Variants in TF observed in about 807,000 individuals in gnomAD.
TF encodes the protein serotransferrin.
Under a neutral mutation model 82.4 loss-of-function variants are expected in TF, and 55 were observed. The ratio of observed to expected loss-of-function variants is 0.67; its 90% CI spans 0.54 to 0.84. The LOEUF (loss-of-function observed/expected upper bound fraction) is 0.84, where lower values mean the gene tolerates loss of function less well. Ranked by LOEUF, TF falls within the 40% of genes least tolerant of loss-of-function variation. TF has a pLI of 0.00. For missense variants in TF, 737 were observed against 868.4 expected, an observed-to-expected ratio of 0.85 and a Z score of 1.90; for synonymous variants, 332 against 332.6, an observed-to-expected ratio of 1.00 and a Z score of 0.02.
intron 6 of TF, among the ~76,000 whole-genome samples, 188 bp downstream of exon 6, chr3:133,756,525 A>G (rs41295762): frequency 6.6e-6 from 1 of 152,142 alleles, no homozygotes; most frequent in East Asian, 1.9e-4. Flanking sequence ...GCCTCTTTCC[A>G]TCATTCAATC....
the TF span, among the ~76,000 whole-genome samples, chr3:133,681,270 TGAGCTA>T: frequency 6.6e-6 from 1 of 152,134 alleles, no homozygotes; most frequent in Non-Finnish European, 1.5e-5. Context: ...GCTCCCAGCG[TGAGCTA>T]CGCAGAAGAC....
intron 9 of TF, among the ~76,000 whole-genome samples, chr3:133,759,534 C>G (rs1002296896): frequency 1.3e-4 from 20 of 152,176 alleles, no homozygotes; most frequent in Admixed American, 5.2e-4. Context: ...TCAGTTTCCT[C>G]CTTGTATGAG....
the TF span, chr3:133,700,086 C>T: frequency 5.9e-4 from 92 of 156,138 alleles, 2 homozygotes; most frequent in South Asian, 0.017. Context: ...GGGAGGCACA[C>T]GAGTATGGAT....
upstream of TF, among the ~76,000 whole-genome samples, chr3:133,743,617 A>G (rs1189062325): frequency 1.3e-5 from 2 of 152,008 alleles, no homozygotes; most frequent in Non-Finnish European, 2.9e-5. Flanking sequence ...TCTCATCTGT[A>G]AGATACAGAT....
chr3:133,667,608 C>G, the TF span, among the ~76,000 whole-genome samples: 1 of 152,032 alleles, frequency 6.6e-6, no homozygotes, highest in Admixed American at 6.5e-5. Flanking sequence ...AAAATTATGT[C>G]TAGGAAAGAA....
At position 133,781,007 on chromosome 3, in the gene TF, G is replaced by A. The variant is rs893741786; in HGVS notation, c.*2387G>A. 6.6e-5 allele frequency: 10 copies of A among 151,506 alleles called. No homozygotes were observed. Among genetic ancestry groups the A allele is most frequent in the African/African-American group, 1.9e-4 (8 of 41,172 alleles). 9.4% of individuals were successfully genotyped at this position (151,506 alleles called of 1,614,324 possible). A position where few individuals can be genotyped will look rare whatever the true frequency, so the allele number is the denominator to read the frequency against. Reference sequence around the variant, plus strand: ...CAGCCTAGTGACAGAGCAAGACTCTGTCTGGAAAATAATAAAAATAATAAT... The same window carrying A: ...CAGCCTAGTGACAGAGCAAGACTCTATCTGGAAAATAATAAAAATAATAAT... On this transcript the variant is annotated 3_prime_UTR_variant, in exon 17 of 17. Coordinates refer to ENST00000402696, the MANE Select transcript of TF (RefSeq NM_001063.4).
chr3:133,681,715 G>C, the TF span, among the ~76,000 whole-genome samples: 3 of 152,214 alleles, frequency 2.0e-5, no homozygotes, highest in Non-Finnish European at 4.4e-5. Flanking sequence ...GCTCGAACTG[G>C]GTGAAGCCCA....
At chr3:133,695,551 T>C in the TF span, among the ~76,000 whole-genome samples, 1 of 152,190 alleles carries the variant, frequency 6.6e-6, no homozygotes, top group East Asian at 1.9e-4. Context: ...TAGATATAAG[T>C]TGCCTTATAT....
intron 14 of TF, among the ~76,000 whole-genome samples, chr3:133,771,384 ATAGAGT>A (rs1243087595): frequency 6.6e-6 from 1 of 152,256 alleles, no homozygotes; most frequent in African/African-American, 2.4e-5. Context: ...GGAAGGAATG[ATAGAGT>A]TAGAAAACTA....
In TF at chr3:133,759,193, A is replaced by G. The variant is rs767184611; in HGVS notation, c.1067A>G (p.Asp356Gly). The G allele has an allele frequency of 2.5e-6, 4 of 1,614,028 alleles. No homozygotes were observed. In the African/African-American group the frequency reaches 5.3e-5, roughly 22 times the overall value. Residue 356 changes from aspartate (D) to glycine (G), a missense_variant, in exon 9 of 17, where the codon GAT (aspartate) becomes GGT (glycine). Physicochemically the swap from Asp to Gly is moderately conservative, Grantham distance 94. Transcript: ENST00000402696. ...REGTCPEAPT[D>G]ECKPVKWCAL... ...GCCATAGGCCCAGAAGCCCCAACAG[A>G]TGAATGCAAGCCTGTGAAGTGGTGT... is the stretch of plus-strand genomic sequence containing the variant.
chr3:133,776,598 A>C (rs530626985), intron 15 of TF, among the ~76,000 whole-genome samples: 1 of 152,356 alleles, frequency 6.6e-6, no homozygotes, highest in South Asian at 2.1e-4. Context: ...TGGCTTGCCC[A>C]AGAAAGGATT....
intron 6 of TF, 149 bp downstream of exon 6, chr3:133,756,486 A>T: frequency 1.1e-6 from 1 of 924,984 alleles, no homozygotes; most frequent in South Asian, 1.5e-5. Context: ...AGAGTTAGGT[A>T]CCTACGGGGT....
chr3:133,712,251 G>A, the TF span, among the ~76,000 whole-genome samples: 8 of 152,336 alleles, frequency 5.3e-5, no homozygotes, highest in East Asian at 1.9e-4. Flanking sequence ...CTTGGCAGCT[G>A]TGCCTCTCTA....
the TF span, among the ~76,000 whole-genome samples, chr3:133,721,081 C>T: frequency 1.3e-5 from 2 of 152,090 alleles, no homozygotes; most frequent in East Asian, 3.9e-4. Context: ...TTTCTTTAAT[C>T]TCTATTTCAT....
At chr3:133,763,427 C>A (rs1258550370) in intron 9 of TF, among the ~76,000 whole-genome samples, 10 of 152,180 alleles carry the variant, frequency 6.6e-5, no homozygotes, top group African/African-American at 2.4e-4. Context: ...GATATCTATT[C>A]CATAGCATGG....
upstream of TF, chr3:133,745,947 C>A: frequency 5.3e-6 from 1 of 189,008 alleles, no homozygotes; most frequent in South Asian, 1.2e-4. Context: ...CTGCATCCTC[C>A]CCCAAAAGGG....
chr3:133,723,149 T>A, the TF span, among the ~76,000 whole-genome samples: 1 of 152,220 alleles, frequency 6.6e-6, no homozygotes, highest in Admixed American at 6.5e-5. Flanking sequence ...ATGCTGATAG[T>A]CTGATAGGAA....
the TF span, among the ~76,000 whole-genome samples, chr3:133,681,088 C>T: frequency 1.3e-5 from 2 of 152,210 alleles, no homozygotes; most frequent in African/African-American, 2.4e-5. Flanking sequence ...AGCATTTTGC[C>T]TTTCTAGTGC....
intron 9 of TF, chr3:133,761,750 G>A (rs1934000486): frequency 2.0e-5 from 3 of 152,370 alleles, no homozygotes; most frequent in African/African-American, 7.2e-5. Flanking sequence ...AGCTAGCTAG[G>A]TGGAAATATT....
Sources: gnomAD v4.1 joint callset for allele counts (sites outside exome capture counted in the v4.1 genomes callset) on GRCh38, gnomAD v4.1.1 for gene constraint, MANE v1.5 for transcripts, NCBI Gene and HGNC (gene_info 2026-07-23, HGNC 2026-07-21) for gene names.